GABRB1: variants seen among roughly 807,000 people sequenced by gnomAD.
GABRB1 encodes the protein gamma-aminobutyric acid type A receptor subunit beta1, also known as gamma-aminobutyric acid receptor subunit beta-1.
Under a neutral mutation model 51.6 loss-of-function variants are expected in GABRB1, and 17 were observed. That is an observed-to-expected ratio of 0.33 (90% confidence interval 0.23 to 0.49). GABRB1 has a LOEUF of 0.49. Ranked by LOEUF, GABRB1 falls within the 20% of genes least tolerant of loss-of-function variation. The pLI is 0.99. For missense variants in GABRB1, 410 were observed against 600.6 expected (o/e 0.68, Z 3.32); for synonymous variants, 247 against 218.9 (o/e 1.13, Z -1.14).
intron 3 of GABRB1, among the ~76,000 whole-genome samples, chr4:47,060,874 G>A (rs1726820517): frequency 6.6e-6 from 1 of 152,012 alleles, no homozygotes; most frequent in Non-Finnish European, 1.5e-5. Context: ...ATAATTGGTT[G>A]GATAAATTAT....
In GABRB1 at chr4:47,403,470, C is replaced by T. The variant is rs1728469503; in HGVS notation, c.682+15C>T. The T allele has an allele frequency of 1.2e-6, 2 of 1,613,548 alleles. No individual in the cohort carries two copies. The highest frequency in any genetic ancestry group is 8.5e-7 in the Non-Finnish European group (1 of 1,179,806). ...GTTCACAACAGGTGAGGTTGTTTCC[C>T]CCAAAATGTACTAGGGGTGCTGTGA... On this transcript the variant is annotated intron_variant, in intron 6 of 8. Coordinates refer to ENST00000295454, the MANE Select transcript of GABRB1 (RefSeq NM_000812.4).
chr4:47,069,143 G>A (rs796623303), intron 3 of GABRB1, among the ~76,000 whole-genome samples: 3 of 152,280 alleles, frequency 2.0e-5, no homozygotes, highest in African/African-American at 7.2e-5. Context: ...GCATGAGATA[G>A]AAAACCACTA....
intron 5 of GABRB1, among the ~76,000 whole-genome samples, chr4:47,358,454 C>A (rs1726671778): frequency 6.6e-6 from 1 of 151,424 alleles, no homozygotes; most frequent in African/African-American, 2.4e-5. Context: ...TTAAGGAAAT[C>A]ACTCATGTAA....
chr4:47,124,028 A>G (rs139632497), intron 3 of GABRB1, among the ~76,000 whole-genome samples: 167 of 137,846 alleles, frequency 1.2e-3, no homozygotes, highest in African/African-American at 4.3e-3. Flanking sequence ...TCTGGCATAT[A>G]TATACCTGAA....
intron 3 of GABRB1, among the ~76,000 whole-genome samples, chr4:47,072,532 TCTG>T (rs1410905068): frequency 1.3e-5 from 2 of 152,160 alleles, no homozygotes; most frequent in Non-Finnish European, 2.9e-5. Flanking sequence ...TATAAAGGAA[TCTG>T]CTATTTTTTT....
intron 3 of GABRB1, among the ~76,000 whole-genome samples, chr4:47,070,514 T>C (rs1727288801): frequency 6.6e-6 from 1 of 151,888 alleles, no homozygotes; most frequent in Admixed American, 6.6e-5. Context: ...GTATTTTTAG[T>C]ACAGACAGGG....
intron 5 of GABRB1, among the ~76,000 whole-genome samples, chr4:47,393,190 C>T (rs767452340): frequency 2.0e-5 from 3 of 152,292 alleles, no homozygotes; most frequent in Admixed American, 6.5e-5. Flanking sequence ...TTGTGGCAAT[C>T]GGTCCCTTTG....
chr4:47,250,641 T>C (rs1167377829), intron 4 of GABRB1, among the ~76,000 whole-genome samples: 1 of 152,156 alleles, frequency 6.6e-6, no homozygotes, highest in Non-Finnish European at 1.5e-5. Flanking sequence ...GAGGCTTTGT[T>C]CATATTTTCT....
intron 3 of GABRB1, chr4:47,032,800 G>A: frequency 1.8e-6 from 1 of 553,672 alleles, no homozygotes. Context: ...GTTTGGATGA[G>A]GAGGGCACCA....
intron 4 of GABRB1, among the ~76,000 whole-genome samples, chr4:47,179,330 A>G (rs1051056796): frequency 4.6e-5 from 7 of 152,132 alleles, no homozygotes; most frequent in African/African-American, 1.7e-4. Context: ...TATCCAGTCT[A>G]TCATTGAAGG....
chr4:47,318,374 G>A (rs931591136), intron 4 of GABRB1, among the ~76,000 whole-genome samples: 20 of 151,846 alleles, frequency 1.3e-4, no homozygotes, highest in African/African-American at 4.8e-4. Context: ...TGAATGGGAG[G>A]AATCTACGTT....
chr4:47,163,394 T>C (rs1271747199), intron 4 of GABRB1, among the ~76,000 whole-genome samples: 1 of 152,056 alleles, frequency 6.6e-6, no homozygotes, highest in African/African-American at 2.4e-5. Context: ...AGAGATAAAG[T>C]TGCTCAATTA....
At chr4:47,361,863 T>C (rs773977310) in intron 5 of GABRB1, among the ~76,000 whole-genome samples, 4 of 152,110 alleles carry the variant, frequency 2.6e-5, no homozygotes, top group Non-Finnish European at 5.9e-5. Context: ...AGTCATCAAC[T>C]GGGGTTGTCA....
At chr4:47,299,645 C>A (rs534775031) in intron 4 of GABRB1, among the ~76,000 whole-genome samples, 59 of 152,180 alleles carry the variant, frequency 3.9e-4, no homozygotes, top group Non-Finnish European at 7.4e-4. Flanking sequence ...GTTGGTGGGA[C>A]TGTAAACTAG....
At chr4:47,376,501 G>A (rs1207671528) in intron 5 of GABRB1, among the ~76,000 whole-genome samples, 1 of 152,134 alleles carries the variant, frequency 6.6e-6, no homozygotes, top group Non-Finnish European at 1.5e-5. Context: ...AAAAAAATTA[G>A]CCGGGCCTAG....
At chr4:47,396,981 T>G (rs1728198461) in intron 5 of GABRB1, among the ~76,000 whole-genome samples, 1 of 152,186 alleles carries the variant, frequency 6.6e-6, no homozygotes, top group Non-Finnish European at 1.5e-5. Flanking sequence ...TTTACTATAT[T>G]CTCATTAAGG....
intron 3 of GABRB1, among the ~76,000 whole-genome samples, chr4:47,095,117 A>AAAT (rs1714343119): frequency 6.6e-6 from 1 of 152,184 alleles, no homozygotes; most frequent in African/African-American, 2.4e-5. Context: ...CATTTCACTA[A>AAAT]AATGTAGTAA....
intron 5 of GABRB1, among the ~76,000 whole-genome samples, chr4:47,380,165 A>G (rs1727543528): frequency 1.3e-5 from 2 of 152,196 alleles, no homozygotes; most frequent in Admixed American, 6.5e-5. Context: ...TTTCTCTGGA[A>G]TTGCTTGTTA....
At chr4:47,148,364 T>C (rs993425173) in intron 3 of GABRB1, among the ~76,000 whole-genome samples, 1 of 152,020 alleles carries the variant, frequency 6.6e-6, no homozygotes, top group Admixed American at 6.6e-5. Flanking sequence ...AGAAGTAAAG[T>C]GCACCAGCCC....
Sources: allele counts gnomAD v4.1 joint callset (sites outside exome capture counted in the v4.1 genomes callset), GRCh38; gene constraint gnomAD v4.1.1; transcripts MANE v1.5; gene names NCBI Gene and HGNC (gene_info 2026-07-23, HGNC 2026-07-21).